GLRA2: variants seen among roughly 807,000 people sequenced by gnomAD.
GLRA2 encodes the protein glycine receptor alpha 2.
Under a neutral mutation model 31.6 loss-of-function variants are expected in GLRA2, and 11 were observed. The observed-to-expected ratio is 0.35, with a 90% confidence interval of 0.22 to 0.58. The LOEUF is 0.58. Among genes scored for constraint, GLRA2 ranks in the 20% least tolerant of loss-of-function variants. The pLI is 0.84. For synonymous variants in GLRA2, 132 were observed against 134.0 expected (o/e 0.99, Z 0.10); for missense variants, 212 against 351.8 (o/e 0.60, Z 3.18).
intron 7 of GLRA2, among the ~76,000 whole-genome samples, chrX:14,668,635 A>T (rs1047254072): frequency 8.9e-6 from 1 of 112,381 alleles, no homozygotes; most frequent in African/African-American, 3.2e-5. Flanking sequence ...CACGTCTCAC[A>T]TGGCAGCAGA....
chrX:14,566,366 T>G (rs1459739324), intron 2 of GLRA2, among the ~76,000 whole-genome samples: 2 of 111,932 alleles, frequency 1.8e-5, no homozygotes, highest in African/African-American at 6.5e-5. Context: ...TAGCACACAT[T>G]TTAAAGAAAA....
At chrX:14,484,114 C>T in the GLRA2 span, among the ~76,000 whole-genome samples, 4 of 111,415 alleles carry the variant, frequency 3.6e-5, no homozygotes, top group African/African-American at 1.3e-4. Flanking sequence ...TTCATATATA[C>T]ATATATCATT....
chrX:14,644,939 C>T (rs939007170), intron 7 of GLRA2, among the ~76,000 whole-genome samples: 10 of 111,914 alleles, frequency 8.9e-5, no homozygotes, highest in Admixed American at 8.6e-4. Context: ...TAGTACTAAT[C>T]ACAGCACTTT....
chrX:14,696,827 T>C (rs1405569269), intron 8 of GLRA2, among the ~76,000 whole-genome samples: 2 of 112,135 alleles, frequency 1.8e-5, no homozygotes, highest in Non-Finnish European at 3.8e-5. Flanking sequence ...GCTATGTTTA[T>C]TGAGAAATGC....
At chrX:14,691,273 G>C (rs1162926060) in intron 8 of GLRA2, among the ~76,000 whole-genome samples, 12 of 3,719 alleles carry the variant, frequency 3.2e-3, no homozygotes, top group African/African-American at 4.1e-3. Context: ...AATATTGACT[G>C]TGTGTGTGTG....
chrX:14,632,961 T>C (rs1232583580), intron 7 of GLRA2, among the ~76,000 whole-genome samples: 1 of 111,677 alleles, frequency 9.0e-6, no homozygotes, highest in Admixed American at 9.5e-5. Flanking sequence ...TAGTAAATAT[T>C]TTAGGCTTGC....
Position 14,700,477 on chromosome X carries a change from G to A in GLRA2, c.1080+9618G>A, listed in dbSNP as rs139012627. Among the ~76,000 whole-genome samples, 278 of 111,310 alleles carry A rather than the reference G, an allele frequency of 2.5e-3. 1 individual carries two copies. The highest frequency in any genetic ancestry group is 8.5e-3 in the African/African-American group (260 of 30,583). ...ATGAGAGAGACAGAGAAGGTCAGAC[G>A]GCTATGTAATCACTCAGAGGCTAGA... On this transcript the variant is annotated intron_variant, in intron 8 of 8. Transcript: ENST00000218075.
chrX:14,600,887 TTTC>T (rs776154346), intron 4 of GLRA2, among the ~76,000 whole-genome samples: 173 of 111,393 alleles, frequency 1.6e-3, no homozygotes, highest in Non-Finnish European at 2.2e-3. Flanking sequence ...AAAATATTTA[TTTC>T]TTCTTTGAAA....
intron 7 of GLRA2, among the ~76,000 whole-genome samples, chrX:14,678,288 G>A (rs2091165313): frequency 8.9e-6 from 1 of 112,564 alleles, no homozygotes; most frequent in Non-Finnish European, 1.9e-5. Flanking sequence ...GGCAGCCACA[G>A]TAATTCCTAA....
chrX:14,472,809 C>T, the GLRA2 span, among the ~76,000 whole-genome samples: 1 of 111,299 alleles, frequency 9.0e-6, no homozygotes, highest in African/African-American at 3.3e-5. Context: ...AAATCTCAAA[C>T]GTTAGAACCT....
the GLRA2 span, among the ~76,000 whole-genome samples, chrX:14,501,319 A>G: frequency 2.7e-5 from 3 of 112,029 alleles, no homozygotes; most frequent in Non-Finnish European, 5.6e-5. Context: ...GTTGGGTCCC[A>G]GGTGGGCTAC....
At chrX:14,614,331 G>A (rs2090432343) in intron 7 of GLRA2, among the ~76,000 whole-genome samples, 1 of 111,083 alleles carries the variant, frequency 9.0e-6, no homozygotes, top group African/African-American at 3.3e-5. Context: ...GAGTTCCCAG[G>A]GCATCCAACA....
chrX:14,664,871 G>A (rs1186439938), intron 7 of GLRA2, among the ~76,000 whole-genome samples: 1 of 111,687 alleles, frequency 9.0e-6, no homozygotes, highest in Non-Finnish European at 1.9e-5. Flanking sequence ...TACATTGGAG[G>A]TGTCCGGCAA....
chrX:14,661,517 C>T (rs1309445308), intron 7 of GLRA2, among the ~76,000 whole-genome samples: 1 of 111,546 alleles, frequency 9.0e-6, no homozygotes, highest in Non-Finnish European at 1.9e-5. Flanking sequence ...AGCTGACAGA[C>T]TAAGACAAGA....
At chrX:14,597,037 C>T (rs2090214436) in intron 4 of GLRA2, among the ~76,000 whole-genome samples, 1 of 111,708 alleles carries the variant, frequency 9.0e-6, no homozygotes, top group Non-Finnish European at 1.9e-5. Flanking sequence ...TTTAACTTGA[C>T]TTCTAACTTG....
At chrX:14,451,150 C>A in the GLRA2 span, among the ~76,000 whole-genome samples, 2 of 111,711 alleles carry the variant, frequency 1.8e-5, no homozygotes, top group Non-Finnish European at 3.8e-5. Flanking sequence ...TAAGACAGTT[C>A]TAAACATGGA....
chrX:14,697,425 T>C (rs890483036), intron 8 of GLRA2, among the ~76,000 whole-genome samples: 6 of 112,284 alleles, frequency 5.3e-5, no homozygotes, highest in Non-Finnish European at 9.4e-5. Context: ...GGGGTATGCA[T>C]GTGCAGTGAA....
intron 8 of GLRA2, among the ~76,000 whole-genome samples, chrX:14,719,292 A>G (rs2091833873): frequency 8.9e-6 from 1 of 112,209 alleles, no homozygotes; most frequent in African/African-American, 3.2e-5. Context: ...AGACACTTTC[A>G]AACTCTTCAT....
the GLRA2 span, among the ~76,000 whole-genome samples, chrX:14,515,522 G>A: frequency 9.0e-6 from 1 of 110,700 alleles, no homozygotes; most frequent in South Asian, 3.7e-4. Context: ...TTCTATCCCC[G>A]GTGTTTCTTA....
Sources: gnomAD v4.1 joint callset for allele counts (sites outside exome capture counted in the v4.1 genomes callset) on GRCh38, gnomAD v4.1.1 for gene constraint, MANE v1.5 for transcripts, NCBI Gene and HGNC (gene_info 2026-07-23, HGNC 2026-07-21) for gene names.